Variants in TMOD1 observed in about 807,000 individuals in gnomAD.
The protein encoded by TMOD1 is tropomodulin 1.
Under a neutral mutation model 40.6 loss-of-function variants are expected in TMOD1, and 17 were observed. The observed-to-expected ratio is 0.42, with a 90% CI of 0.29 to 0.63. The LOEUF is 0.63. TMOD1 is among the 20% of genes least tolerant of loss of function. The pLI, the probability that TMOD1 is intolerant of heterozygous loss-of-function variation, is 0.22. For missense variants in TMOD1, 391 were observed against 447.6 expected (o/e 0.87, Z 1.14); for synonymous variants, 181 against 175.0 (o/e 1.03, Z -0.27).
chr9:97,549,775 T>A (rs931655589), intron 3 of TMOD1, among the ~76,000 whole-genome samples: 1 of 152,124 alleles, frequency 6.6e-6, no homozygotes, highest in Non-Finnish European at 1.5e-5. Context: ...CCACTCCCTC[T>A]CAACCTTCAC....
intron 2 of TMOD1, among the ~76,000 whole-genome samples, chr9:97,529,954 A>C (rs1454942534): frequency 1.3e-5 from 2 of 152,162 alleles, no homozygotes; most frequent in African/African-American, 4.8e-5. Flanking sequence ...CATTTTAAAG[A>C]TGGAGAAGCC....
At chr9:97,576,032 C>T (rs1179830939) in intron 8 of TMOD1, among the ~76,000 whole-genome samples, 3 of 152,046 alleles carry the variant, frequency 2.0e-5, no homozygotes, top group Non-Finnish European at 4.4e-5. Flanking sequence ...GTTCGTAACA[C>T]GAAAAAACAG....
At chr9:97,524,537 TC>T (rs869263948) in intron 2 of TMOD1, among the ~76,000 whole-genome samples, 1 of 146,942 alleles carries the variant, frequency 6.8e-6, no homozygotes, top group East Asian at 2.0e-4. Flanking sequence ...TGTGTGTGTG[TC>T]GAGACAGAGA....
intron 2 of TMOD1, among the ~76,000 whole-genome samples, chr9:97,541,520 T>A (rs1830274937): frequency 2.0e-5 from 3 of 151,746 alleles, no homozygotes. Flanking sequence ...ATTTTTTATT[T>A]TTTATTTTTT....
chr9:97,538,840 C>CAA lies in TMOD1; in HGVS notation c.121-7331_121-7330dup, dbSNP rs532196976. On this transcript the variant is annotated intron_variant, in intron 2 of 9. Coordinates refer to ENST00000259365, the MANE Select transcript of TMOD1 (RefSeq NM_003275.4). ...TGAAACCCCATCTCTACTAAAAATA[C>CAA]AAAAAAAAAAAAAAATTAGCCGGGC... Among the ~76,000 whole-genome samples, 988 of 127,094 alleles carry CAA rather than the reference C, an allele frequency of 7.8e-3. 5 individuals are homozygous for CAA. Among genetic ancestry groups the CAA allele is most frequent in the African/African-American group, 0.026 (931 of 35,298 alleles). The allele number at this position is 127,094 out of a possible 152,430, so 83.4% of individuals were successfully genotyped here. A position where few individuals can be genotyped will look rare whatever the true frequency, so the allele number is the denominator to read the frequency against.
At chr9:97,512,013 C>G (rs1490455958) in intron 1 of TMOD1, among the ~76,000 whole-genome samples, 1 of 152,172 alleles carries the variant, frequency 6.6e-6, no homozygotes, top group African/African-American at 2.4e-5. Context: ...CCCTCTTCCC[C>G]AGGTGAGCCC....
At chr9:97,591,164 C>T (rs943215475) in intron 8 of TMOD1, 127 bp from the exon 9 acceptor site, 1 of 1,009,042 alleles carries the variant, frequency 9.9e-7, no homozygotes, top group Non-Finnish European at 1.4e-6. Flanking sequence ...TTTCCCTACT[C>T]TTGGAGAGGA....
intron 4 of TMOD1, chr9:97,555,323 C>A: frequency 8.7e-7 from 1 of 1,155,578 alleles, no homozygotes; most frequent in Non-Finnish European, 1.1e-6. Flanking sequence ...TCCACATGGA[C>A]TGGGGCTGTT....
chr9:97,547,018 C>T (rs538190375), intron 3 of TMOD1, among the ~76,000 whole-genome samples: 1 of 151,600 alleles, frequency 6.6e-6, no homozygotes, highest in Non-Finnish European at 1.5e-5. Context: ...GATGCACTAA[C>T]CATCTCCACC....
intron 4 of TMOD1, among the ~76,000 whole-genome samples, chr9:97,559,420 C>A (rs114917078): frequency 0.027 from 4,055 of 151,006 alleles, 193 homozygotes; most frequent in African/African-American, 0.093. Flanking sequence ...ATCATCTCAT[C>A]TTGTGGTTTT....
Position 97,514,596 on chromosome 9 carries a change from A to G in TMOD1, c.-48-9545A>G, listed in dbSNP as rs1016195550. On this transcript the variant is annotated intron_variant, in intron 1 of 9. Transcript: ENST00000259365. ...CCCCTGGCACCCTCTGGTTCCATTC[A>G]GCCTCCCACTTCCCACTCCTGCTGG... Among the ~76,000 whole-genome samples the G allele has an allele frequency of 1.8e-4, 28 of 152,098 alleles. 1 individual carries two copies. Among genetic ancestry groups the G allele is most frequent in the Non-Finnish European group, 2.9e-5 (2 of 68,016 alleles).
Position 97,504,998 on chromosome 9 carries a change from G to A in TMOD1, c.-49+3195G>A, listed in dbSNP as rs183630537. 1.4e-3 allele frequency among the ~76,000 whole-genome samples: 218 copies of A among 152,220 alleles called. 2 individuals are homozygous for A. Among genetic ancestry groups the A allele is most frequent in the African/African-American group, 5.1e-3 (212 of 41,544 alleles). On this transcript the variant is annotated intron_variant, in intron 1 of 9. Transcript: ENST00000259365. ...AGCATGAACCAGATAGCACAATTCC[G>A]GGCCATTTCCTCTCTTTTGTTTTGT...
chr9:97,577,654 G>A (rs1587955145), intron 8 of TMOD1, among the ~76,000 whole-genome samples: 1 of 152,136 alleles, frequency 6.6e-6, no homozygotes, highest in Admixed American at 6.6e-5. Flanking sequence ...TGGGCGTGGT[G>A]GTGCTACTCA....
intron 1 of TMOD1, among the ~76,000 whole-genome samples, chr9:97,504,814 G>A (rs1257464487): frequency 6.6e-6 from 1 of 152,168 alleles, no homozygotes; most frequent in Non-Finnish European, 1.5e-5. Context: ...TCCAGTCAAT[G>A]TTTTGACTTT....
intron 9 of TMOD1, among the ~76,000 whole-genome samples, chr9:97,594,122 G>A (rs1211874937): frequency 6.6e-6 from 1 of 152,158 alleles, no homozygotes; most frequent in Non-Finnish European, 1.5e-5. Context: ...CCTGGACGGT[G>A]ATGCCAGGTG....
intron 8 of TMOD1, among the ~76,000 whole-genome samples, chr9:97,574,085 G>A (rs1479264960): frequency 1.3e-5 from 2 of 152,172 alleles, no homozygotes; most frequent in African/African-American, 2.4e-5. Flanking sequence ...CCTCGCTCTC[G>A]GCGCCTCCTC....
intron 3 of TMOD1, among the ~76,000 whole-genome samples, chr9:97,549,282 C>T (rs1830413205): frequency 1.3e-5 from 2 of 152,152 alleles, no homozygotes; most frequent in South Asian, 4.2e-4. Context: ...CATTCTGCCA[C>T]CCCTACAACC....
chr9:97,538,625 C>T (rs1830224661), intron 2 of TMOD1, among the ~76,000 whole-genome samples: 1 of 152,148 alleles, frequency 6.6e-6, no homozygotes, highest in Non-Finnish European at 1.5e-5. Context: ...TTCTTCTTTG[C>T]TATTCAGTAA....
At chr9:97,544,821 A>G (rs997323295) in intron 2 of TMOD1, among the ~76,000 whole-genome samples, 3 of 152,004 alleles carry the variant, frequency 2.0e-5, no homozygotes, top group Non-Finnish European at 2.9e-5. Context: ...CAGCCTGGCC[A>G]ATATGGTGAA....
Sources: allele counts gnomAD v4.1 joint callset (sites outside exome capture counted in the v4.1 genomes callset), GRCh38; gene constraint gnomAD v4.1.1; transcripts MANE v1.5; gene names NCBI Gene and HGNC (gene_info 2026-07-23, HGNC 2026-07-21).